The following PSG9 variants were observed in gnomAD, a reference collection of about 807,000 sequenced individuals.
PSG9 encodes the protein pregnancy specific beta-1-glycoprotein 9, also known as pregnancy-specific beta-1-glycoprotein 9.
Under a neutral mutation model 41.9 loss-of-function variants are expected in PSG9, and 49 were observed. The observed-to-expected ratio is 1.17, with a 90% confidence interval of 0.93 to 1.48. The LOEUF (loss-of-function observed/expected upper bound fraction) is 1.48, where lower values mean the gene tolerates loss of function less well. PSG9 is among the 40% of genes most tolerant of loss of function. The pLI is 0.00. For missense variants in PSG9, 641 were observed against 520.3 expected (o/e 1.23, Z -2.26); for synonymous variants, 263 against 196.8 (o/e 1.34, Z -2.82).
rs1313335396 is a variant in PSG9 at position 43,253,326 on chromosome 19, T to G, written c.*283A>C. ...AACTTTATTACCATAAACCTATGAA[T>G]ACTCATGAATAGTTTCACAATTCTG... On this transcript the variant is annotated 3_prime_UTR_variant, in exon 6 of 6. Coordinates refer to ENST00000270077, the MANE Select transcript of PSG9 (RefSeq NM_002784.5). 3.6e-6 allele frequency: 1 copy of G among 281,448 alleles called. No individual in the cohort carries two copies. The highest frequency in any genetic ancestry group is 2.4e-5 in the African/African-American group (1 of 41,480). The allele number at this position is 281,448 out of a possible 1,614,324, so 17.4% of individuals were successfully genotyped here.
intron 2 of PSG9, among the ~76,000 whole-genome samples, chr19:43,264,112 G>A (rs1484121656): frequency 6.6e-6 from 1 of 151,956 alleles, no homozygotes; most frequent in African/African-American, 2.4e-5. Flanking sequence ...TATGAAAATG[G>A]CATCATCATG....
In PSG9 at chr19:43,267,765, A is replaced by T. The variant is rs1428446865; in HGVS notation, c.430+19T>A. On this transcript the variant is annotated intron_variant, in intron 2 of 5. Transcript: ENST00000270077. ...GACCCCTTCCCCCCAACACCCAGGGATCATGTGGAATCACTCACAGTATAA... is the reference window on the plus strand; with the variant it reads ...GACCCCTTCCCCCCAACACCCAGGGTTCATGTGGAATCACTCACAGTATAA... 1.2e-6 allele frequency: 2 copies of T among 1,612,504 alleles called. No individual in the cohort carries two copies. Among genetic ancestry groups the T allele is most frequent in the Admixed American group, 1.7e-5 (1 of 59,964 alleles).
rs1968571197 is a variant in PSG9, at chr19:43,258,891, G to A, written c.954C>T (p.Gly318=). ...YQCEIRDRYG[G]LRSNPVILNV... Reference sequence around the variant, plus strand: ...TTAGGATGACTGGGTTACTGCGGAGGCCACCATATCGGTCCCGTATTTCAC... The same window carrying A: ...TTAGGATGACTGGGTTACTGCGGAGACCACCATATCGGTCCCGTATTTCAC... The change falls in exon 4 of 6, where the codon GGC becomes GGT. Residue 318 remains glycine (G), a synonymous_variant. Transcript: ENST00000270077. 6.3e-7 allele frequency: 1 copy of A among 1,586,848 alleles called. No homozygotes were observed.
In PSG9 at chr19:43,267,944, T is replaced by G; in HGVS notation, c.270A>C (p.Ile90=). The G allele has an allele frequency of 6.2e-7, 1 of 1,613,656 alleles. No homozygotes were observed. The highest frequency in any genetic ancestry group is 8.5e-7 in the Non-Finnish European group (1 of 1,179,720). ...CTCTTCCACTGTATGCAGGCCCATA[T>G]ATAATTATTTTACCATCAACTATAT... ...ISYIVDGKII[I]YGPAYSGRET... is the part of the protein sequence containing the mutation. Residue 90 remains isoleucine, a synonymous_variant, in exon 2 of 6, where the codon ATA becomes ATC. Coordinates refer to ENST00000270077, the MANE Select transcript of PSG9 (RefSeq NM_002784.5).
intron 2 of PSG9, among the ~76,000 whole-genome samples, chr19:43,263,289 A>G (rs1216666895): frequency 3.9e-5 from 6 of 152,146 alleles, no homozygotes; most frequent in African/African-American, 1.4e-4. Flanking sequence ...TATAGTTCAT[A>G]CAGATAAAGT....
chr19:43,261,256 G>T (rs1445800591), intron 3 of PSG9, among the ~76,000 whole-genome samples: 1 of 140,696 alleles, frequency 7.1e-6, no homozygotes, highest in Non-Finnish European at 1.5e-5. Flanking sequence ...CAGTGGCTGA[G>T]TTATGGATGA....
Position 43,258,454 on chromosome 19 carries a change from C to G in PSG9, c.991G>C (p.Gly331Arg), listed in dbSNP as rs1356668436. 3 of 1,562,190 alleles carry G rather than the reference C, an allele frequency of 1.9e-6. No individual in the cohort carries two copies. Among genetic ancestry groups the G allele is most frequent in the Admixed American group, 1.9e-5 (1 of 53,726 alleles). Residue 331 changes from glycine (G) to arginine (R), a missense_variant and splice_region_variant, in exon 5 of 6, where the codon GGT becomes CGT. Physicochemically the swap from Gly to Arg is moderately radical, Grantham distance 125. Coordinates refer to ENST00000270077, the MANE Select transcript of PSG9 (RefSeq NM_002784.5). ...SNPVILNVLY[G>R]PDLPRIYPSF... is the part of the protein sequence containing the mutation. ...GGGTAAATTCTGGGGAGGTCTGGACCATCTGGAGGAAAGAGAATAAAGCCA... is the reference window on the plus strand; with the variant it reads ...GGGTAAATTCTGGGGAGGTCTGGACGATCTGGAGGAAAGAGAATAAAGCCA...
chr19:43,268,993 A>G lies in PSG9; in HGVS notation c.64+375T>C, dbSNP rs548669962. ...TTTTCCCCTATCCAGGCTGCAACAGAGCCTTCTTTCCTTTTTTTCTTTTTT... is the reference window on the plus strand; with the variant it reads ...TTTTCCCCTATCCAGGCTGCAACAGGGCCTTCTTTCCTTTTTTTCTTTTTT... On this transcript the variant is annotated intron_variant, in intron 1 of 5. Transcript: ENST00000270077. Among the ~76,000 whole-genome samples, 8 of 151,346 alleles carry G rather than the reference A, an allele frequency of 5.3e-5. No individual in the cohort carries two copies. In the South Asian group the frequency reaches 1.0e-3, roughly 20 times the overall value.
In PSG9 at chr19:43,262,074, C is replaced by G; in HGVS notation, c.495G>C (p.Val165=). 1 of 1,613,968 alleles carries G rather than the reference C, an allele frequency of 6.2e-7. No homozygotes were observed. Among genetic ancestry groups the G allele is most frequent in the Non-Finnish European group, 8.5e-7 (1 of 1,179,880 alleles). Residue 165 remains valine (V), a synonymous_variant, in exon 3 of 6, where the codon GTG becomes GTC. Transcript: ENST00000270077. The part of the protein sequence containing the change: ...NLNPREAMEA[V]RLICDPETLD... ...GAGTCTCAGGATCACAGATTAAGCG[C>G]ACAGCCTCCATGGCCTCCCTGGGGT...
At chr19:43,266,230 G>T (rs1256928433) in intron 2 of PSG9, among the ~76,000 whole-genome samples, 1 of 151,996 alleles carries the variant, frequency 6.6e-6, no homozygotes, top group Non-Finnish European at 1.5e-5. Context: ...GGTGGCCAAA[G>T]AGCTTCAGAG....
chr19:43,263,635 A>G (rs890222749), intron 2 of PSG9, among the ~76,000 whole-genome samples: 2 of 152,108 alleles, frequency 1.3e-5, no homozygotes, highest in Admixed American at 6.5e-5. Flanking sequence ...ATGTTTTCAT[A>G]AGTGGAAACT....
intron 2 of PSG9, among the ~76,000 whole-genome samples, chr19:43,263,124 T>C (rs1385471230): frequency 3.3e-5 from 5 of 152,162 alleles, no homozygotes; most frequent in Non-Finnish European, 7.4e-5. Context: ...GACTACTCTA[T>C]GTACCTCCTA....
intron 2 of PSG9, among the ~76,000 whole-genome samples, chr19:43,265,203 C>A (rs1015236155): frequency 2.0e-5 from 3 of 152,152 alleles, no homozygotes; most frequent in Non-Finnish European, 4.4e-5. Flanking sequence ...CTGCTTTTGT[C>A]AAACTAGTGA....
rs563822042 is a variant in PSG9 at position 43,263,056 on chromosome 19, G to GGAA, written c.431-921_431-919dup. ...TTGGTGGATATTAGACCAATATTTGGGAAGAAGTCTTGCAGATACTTTCTC... is the reference window on the plus strand; with the variant it reads ...TTGGTGGATATTAGACCAATATTTGGGAAGAAGAAGTCTTGCAGATACTTTCTC... On this transcript the variant is annotated intron_variant, in intron 2 of 5. Transcript: ENST00000270077. Among the ~76,000 whole-genome samples the GGAA allele has an allele frequency of 2.6e-3, 393 of 152,296 alleles. 6 individuals carry two copies. The highest frequency in any genetic ancestry group is 4.1e-3 in the Non-Finnish European group (276 of 68,024).
At position 43,258,943 on chromosome 19, in the gene PSG9, G is replaced by T. The variant is rs763725768; in HGVS notation, c.902C>A (p.Thr301Lys). The T allele has an allele frequency of 5.0e-6, 8 of 1,589,852 alleles. No individual in the cohort carries two copies. In the African/African-American group the frequency reaches 8.5e-5, roughly 17 times the overall value. ...ENRILILPSV[T>K]RNETGPYQCE... The stretch of plus-strand genomic sequence containing the variant: ...TTGATAGGGTCCTGTTTCATTTCTC[G>T]TGACACTGGGTAGAATGAGTATCCT... Residue 301 changes from threonine (T) to lysine (K), a missense_variant, in exon 4 of 6, where the codon ACG becomes AAG. Coordinates refer to ENST00000270077, the MANE Select transcript of PSG9 (RefSeq NM_002784.5).
At chr19:43,268,294 C>T (rs570965999) in intron 1 of PSG9, 145 bp from the exon 2 acceptor site, 94 of 1,303,926 alleles carry the variant, frequency 7.2e-5, no homozygotes, top group Middle Eastern at 5.2e-4. Context: ...ACACAAAAAA[C>T]GGGCATGTGT....
intron 5 of PSG9, among the ~76,000 whole-genome samples, chr19:43,254,705 T>A (rs1488802218): frequency 6.9e-6 from 1 of 145,808 alleles, no homozygotes; most frequent in African/African-American, 2.6e-5. Context: ...AACCAAAAGT[T>A]GATTCTTCAA....
intron 2 of PSG9, among the ~76,000 whole-genome samples, chr19:43,262,771 C>T (rs1030390074): frequency 1.6e-4 from 25 of 152,220 alleles, no homozygotes; most frequent in African/African-American, 5.8e-4. Flanking sequence ...TGACTTGAGC[C>T]AGTGACCTCT....
rs756375246 is a variant in PSG9 at position 43,259,023 on chromosome 19, C to G, written c.822G>C (p.Trp274Cys). 6.3e-7 allele frequency: 1 copy of G among 1,590,722 alleles called. No homozygotes were observed. Among genetic ancestry groups the G allele is most frequent in the Non-Finnish European group, 8.5e-7 (1 of 1,174,482 alleles). The part of the protein sequence containing the change: ...PKSENYTYIW[W>C]LNGQSLPVSP... Reference sequence around the variant, plus strand: ...TGACGGGGAGGCTCTGACCGTTTAGCCACCAAATGTAGGTGTAGTTCTCAC... The same window carrying G: ...TGACGGGGAGGCTCTGACCGTTTAGGCACCAAATGTAGGTGTAGTTCTCAC... The change falls in exon 4 of 6, where the codon TGG (tryptophan) becomes TGC (cysteine). Residue 274 changes from tryptophan (W) to cysteine (C), a missense_variant. Physicochemically the swap from Trp to Cys is radical, Grantham distance 215 (BLOSUM62 -2). Coordinates refer to ENST00000270077, the MANE Select transcript of PSG9 (RefSeq NM_002784.5).
Sources: allele counts gnomAD v4.1 joint callset (sites outside exome capture counted in the v4.1 genomes callset), GRCh38; gene constraint gnomAD v4.1.1; transcripts MANE v1.5; gene names NCBI Gene and HGNC (gene_info 2026-07-23, HGNC 2026-07-21).